The following SLC2A13 variants were observed in gnomAD, a reference collection of about 807,000 sequenced individuals.
The protein encoded by SLC2A13 is proton myo-inositol cotransporter.
SLC2A13 carries 32 observed loss-of-function variants against 64.4 expected under a neutral mutation model. The ratio of observed to expected loss-of-function variants is 0.50; its 90% CI spans 0.37 to 0.67. SLC2A13 has a LOEUF of 0.67. Ranked by LOEUF, SLC2A13 falls within the 30% of genes least tolerant of loss-of-function variation. The pLI is 0.00. For synonymous variants in SLC2A13, 338 were observed against 327.1 expected, an observed-to-expected ratio of 1.03 and a Z score of -0.36; for missense variants, 743 against 829.2, an observed-to-expected ratio of 0.90 and a Z score of 1.28.
chr12:39,874,615 CAAA>C (rs11287868), intron 4 of SLC2A13, among the ~76,000 whole-genome samples: 20 of 101,074 alleles, frequency 2.0e-4, no homozygotes, highest in African/African-American at 2.6e-4. Context: ...AACTCCATCT[CAAA>C]AAAAAAAAAA....
intron 7 of SLC2A13, among the ~76,000 whole-genome samples, chr12:39,782,951 A>G (rs1248075764): frequency 6.6e-6 from 1 of 152,096 alleles, no homozygotes; most frequent in East Asian, 1.9e-4. Context: ...TACATGTGCC[A>G]TGTTGGTGTG....
At chr12:39,773,202 C>T (rs571431573) in intron 7 of SLC2A13, among the ~76,000 whole-genome samples, 3 of 152,132 alleles carry the variant, frequency 2.0e-5, no homozygotes, top group Non-Finnish European at 4.4e-5. Flanking sequence ...AGAGCAAAAC[C>T]TGAAAATGAC....
chr12:39,981,329 C>G (rs1946890163), intron 3 of SLC2A13, among the ~76,000 whole-genome samples: 2 of 151,790 alleles, frequency 1.3e-5, no homozygotes, highest in African/African-American at 2.4e-5. Flanking sequence ...AAAATCAGAG[C>G]AGAACTGAAG....
At chr12:39,885,208 A>T (rs568878800) in intron 4 of SLC2A13, among the ~76,000 whole-genome samples, 3 of 152,350 alleles carry the variant, frequency 2.0e-5, no homozygotes, top group African/African-American at 7.2e-5. Flanking sequence ...TAGGAAGGCC[A>T]ACAGGACTGC....
At chr12:39,821,118 T>C (rs1312844848) in intron 7 of SLC2A13, among the ~76,000 whole-genome samples, 3 of 152,132 alleles carry the variant, frequency 2.0e-5, no homozygotes, top group Non-Finnish European at 4.4e-5. Flanking sequence ...GAGTTCCTTT[T>C]ATAACTCAAA....
chr12:40,082,026 G>A (rs148012446), intron 1 of SLC2A13, among the ~76,000 whole-genome samples: 82 of 152,182 alleles, frequency 5.4e-4, no homozygotes, highest in African/African-American at 1.9e-3. Context: ...TTTTTTCTCT[G>A]GCCCCTTGAG....
At chr12:40,046,502 T>TTGA (rs1333884394) in intron 2 of SLC2A13, among the ~76,000 whole-genome samples, 1 of 152,214 alleles carries the variant, frequency 6.6e-6, no homozygotes, top group African/African-American at 2.4e-5. Context: ...AAAATATAAA[T>TTGA]TGATGATTTA....
chr12:39,917,495 G>A, intron 4 of SLC2A13, among the ~76,000 whole-genome samples: 1 of 152,052 alleles, frequency 6.6e-6, no homozygotes, highest in East Asian at 1.9e-4. Context: ...GTTAGCATCT[G>A]AATTTGTGGG....
chr12:39,951,150 C>T, intron 4 of SLC2A13, 107 bp downstream of exon 4: 1 of 892,946 alleles, frequency 1.1e-6, no homozygotes, highest in Non-Finnish European at 1.6e-6. Flanking sequence ...TACATTTAAT[C>T]AGAACAAATC....
intron 3 of SLC2A13, among the ~76,000 whole-genome samples, chr12:40,021,274 C>A (rs1048548052): frequency 6.6e-6 from 1 of 152,150 alleles, no homozygotes; most frequent in African/African-American, 2.4e-5. Context: ...CAGTCAATGA[C>A]ATTTTAATGT....
At chr12:39,842,394 T>C (rs1379694641) in intron 6 of SLC2A13, among the ~76,000 whole-genome samples, 1 of 152,074 alleles carries the variant, frequency 6.6e-6, no homozygotes, top group Non-Finnish European at 1.5e-5. Flanking sequence ...TCAAATCAGA[T>C]ATTTTTTCTA....
At chr12:39,893,250 T>G (rs1219993956) in intron 4 of SLC2A13, among the ~76,000 whole-genome samples, 1 of 152,222 alleles carries the variant, frequency 6.6e-6, no homozygotes, top group Admixed American at 6.5e-5. Flanking sequence ...TTCAATAATT[T>G]TATCTATGTC....
At chr12:40,027,306 T>C (rs1393735630) in intron 3 of SLC2A13, among the ~76,000 whole-genome samples, 1 of 152,126 alleles carries the variant, frequency 6.6e-6, no homozygotes, top group African/African-American at 2.4e-5. Flanking sequence ...TGGCTGATGC[T>C]CAAAAAGCGT....
chr12:39,767,923 C>T (rs1940421005), intron 7 of SLC2A13, among the ~76,000 whole-genome samples: 1 of 152,078 alleles, frequency 6.6e-6, no homozygotes, highest in African/African-American at 2.4e-5. Flanking sequence ...CTGAGGCTTC[C>T]CCAGCCCTGC....
chr12:40,099,996 A>C (rs185970350), intron 1 of SLC2A13, among the ~76,000 whole-genome samples: 2 of 152,308 alleles, frequency 1.3e-5, no homozygotes, highest in East Asian at 1.9e-4. Context: ...GCTTACCTTA[A>C]ATGACATTCT....
At chr12:39,769,297 A>G (rs1268018643) in intron 7 of SLC2A13, among the ~76,000 whole-genome samples, 1 of 152,098 alleles carries the variant, frequency 6.6e-6, no homozygotes, top group Non-Finnish European at 1.5e-5. Context: ...CTATGTGACG[A>G]ACTTACCTCC....
intron 6 of SLC2A13, among the ~76,000 whole-genome samples, chr12:39,862,996 CTT>C (rs1229524220): frequency 6.6e-6 from 1 of 152,102 alleles, no homozygotes; most frequent in East Asian, 1.9e-4. Flanking sequence ...TACAAAATCA[CTT>C]AGACTATAAA....
intron 3 of SLC2A13, among the ~76,000 whole-genome samples, chr12:40,002,511 C>A (rs76537006): frequency 6.6e-6 from 1 of 152,278 alleles, no homozygotes; most frequent in East Asian, 1.9e-4. Flanking sequence ...AAGCAATATG[C>A]ACTATTAAAC....
At chr12:39,817,398 G>A (rs1193016589) in intron 7 of SLC2A13, among the ~76,000 whole-genome samples, 1 of 128,676 alleles carries the variant, frequency 7.8e-6, no homozygotes, top group Non-Finnish European at 1.8e-5. Context: ...AGGATGGGGT[G>A]TGCTGGCTTC....
Sources: gnomAD v4.1 joint callset for allele counts (sites outside exome capture counted in the v4.1 genomes callset) on GRCh38, gnomAD v4.1.1 for gene constraint, MANE v1.5 for transcripts, NCBI Gene and HGNC (gene_info 2026-07-23, HGNC 2026-07-21) for gene names.